SPRR2B: variants seen among roughly 807,000 people sequenced by gnomAD.
The protein encoded by SPRR2B is small proline rich protein 2B.
SPRR2B carries 1 observed loss-of-function variant against 1.0 expected under a neutral mutation model. That is an observed-to-expected ratio of 1.01 (90% CI 0.36 to 4.77). SPRR2B has a LOEUF of 4.77. SPRR2B is among the 30% of genes most tolerant of loss of function. SPRR2B has a pLI of 0.16. For missense variants in SPRR2B, 53 were observed against 88.7 expected, an observed-to-expected ratio of 0.60 and a Z score of 1.62; for synonymous variants, 27 against 33.4, an observed-to-expected ratio of 0.81 and a Z score of 0.66.
upstream of SPRR2B, among the ~76,000 whole-genome samples, chr1:153,072,209 G>A (rs189793249): frequency 7.8e-4 from 118 of 152,246 alleles, no homozygotes; most frequent in Middle Eastern, 3.4e-3. Flanking sequence ...CAGAACCCCA[G>A]ATTTTACCTA....
At chr1:153,078,511 CT>C in the SPRR2B span, among the ~76,000 whole-genome samples, 2 of 152,058 alleles carry the variant, frequency 1.3e-5, no homozygotes, top group African/African-American at 4.8e-5. Context: ...TATCCCTCCC[CT>C]CTACCCCCAC....
the SPRR2B span, among the ~76,000 whole-genome samples, chr1:153,083,707 C>A: frequency 6.6e-6 from 1 of 152,180 alleles, no homozygotes; most frequent in Non-Finnish European, 1.5e-5. Flanking sequence ...AGGGAGGAAC[C>A]CACTCCCGCC....
upstream of SPRR2B, among the ~76,000 whole-genome samples, chr1:153,075,664 C>T (rs1654756599): frequency 6.6e-6 from 1 of 151,962 alleles, no homozygotes; most frequent in African/African-American, 2.4e-5. Context: ...TAAAGAAACA[C>T]ATGGCTAATC....
chr1:153,074,212 T>A (rs1193646427), upstream of SPRR2B, among the ~76,000 whole-genome samples: 1 of 152,234 alleles, frequency 6.6e-6, no homozygotes, highest in Non-Finnish European at 1.5e-5. Context: ...TTGTTCTTTT[T>A]TTCATATAAC....
At chr1:153,077,472 A>T in the SPRR2B span, among the ~76,000 whole-genome samples, 2 of 152,182 alleles carry the variant, frequency 1.3e-5, no homozygotes, top group African/African-American at 4.8e-5. Context: ...TTGTAACTTC[A>T]ATTTTTATTT....
At chr1:153,071,702 C>A (rs7525198), upstream of SPRR2B, among the ~76,000 whole-genome samples, 24,996 of 152,054 alleles carry the variant, frequency 0.16, 3,506 homozygotes, top group East Asian at 0.49. Context: ...CCAGCAATGT[C>A]CCAACCAAAA....
chr1:153,079,377 C>T, the SPRR2B span, among the ~76,000 whole-genome samples: 1 of 152,076 alleles, frequency 6.6e-6, no homozygotes, highest in Non-Finnish European at 1.5e-5. Context: ...AATTAGATAC[C>T]ATTTGTCAAT....
At chr1:153,087,021 T>C in the SPRR2B span, among the ~76,000 whole-genome samples, 1 of 152,130 alleles carries the variant, frequency 6.6e-6, no homozygotes, top group Non-Finnish European at 1.5e-5. Flanking sequence ...CAAGAAGTTC[T>C]TAAGCTACAA....
At chr1:153,077,664 T>A in the SPRR2B span, among the ~76,000 whole-genome samples, 1 of 151,944 alleles carries the variant, frequency 6.6e-6, no homozygotes, top group African/African-American at 2.4e-5. Context: ...TCACCCAGGC[T>A]GGAATGCAGT....
chr1:153,079,998 C>G, the SPRR2B span, among the ~76,000 whole-genome samples: 63 of 152,236 alleles, frequency 4.1e-4, no homozygotes, highest in African/African-American at 1.3e-3. Context: ...TATCCATGAG[C>G]ATGGAATGTT....
chr1:153,081,286 A>G, the SPRR2B span, among the ~76,000 whole-genome samples: 2 of 152,234 alleles, frequency 1.3e-5, no homozygotes, highest in African/African-American at 4.8e-5. Flanking sequence ...AAAAGAGAGA[A>G]TCTTGAAAGC....
At chr1:153,074,433 T>C (rs930137028), upstream of SPRR2B, among the ~76,000 whole-genome samples, 2 of 152,244 alleles carry the variant, frequency 1.3e-5, no homozygotes, top group African/African-American at 2.4e-5. Context: ...CAATTCCCCA[T>C]GCATATCTGT....
At chr1:153,084,369 C>T in the SPRR2B span, among the ~76,000 whole-genome samples, 1 of 152,132 alleles carries the variant, frequency 6.6e-6, no homozygotes, top group Admixed American at 6.5e-5. Context: ...ACATAGCCAG[C>T]CAGCCCCAAC....
upstream of SPRR2B, among the ~76,000 whole-genome samples, chr1:153,072,967 GAGA>G (rs1654701170): frequency 1.3e-5 from 2 of 152,146 alleles, no homozygotes; most frequent in South Asian, 2.1e-4. Flanking sequence ...TTTATAATTG[GAGA>G]AGAAGAAGGA....
chr1:153,076,538 A>T (rs77503559), upstream of SPRR2B, among the ~76,000 whole-genome samples: 3,206 of 152,320 alleles, frequency 0.021, 111 homozygotes, highest in African/African-American at 0.07. Flanking sequence ...GAGAGAAAAG[A>T]CTATTTGAAC....
the SPRR2B span, among the ~76,000 whole-genome samples, chr1:153,085,943 G>C: frequency 6.6e-6 from 1 of 152,116 alleles, no homozygotes; most frequent in Non-Finnish European, 1.5e-5. Flanking sequence ...AGCTTCATAA[G>C]TTAAAGAGAA....
the SPRR2B span, among the ~76,000 whole-genome samples, chr1:153,087,159 A>C: frequency 6.6e-6 from 1 of 152,164 alleles, no homozygotes; most frequent in East Asian, 1.9e-4. Context: ...GGGCACCTGT[A>C]GTCACAGCTA....
upstream of SPRR2B, among the ~76,000 whole-genome samples, chr1:153,074,047 T>C (rs187509479): frequency 6.6e-6 from 1 of 152,292 alleles, no homozygotes; most frequent in East Asian, 1.9e-4. Context: ...AAATAACTGT[T>C]CCATTACCAC....
upstream of SPRR2B, among the ~76,000 whole-genome samples, chr1:153,072,686 T>C (rs1654693858): frequency 6.6e-6 from 1 of 152,200 alleles, no homozygotes; most frequent in Non-Finnish European, 1.5e-5. Context: ...TTTGTTTGTA[T>C]GTTCTTCCTT....
Sources: gnomAD v4.1 joint callset for allele counts (sites outside exome capture counted in the v4.1 genomes callset) on GRCh38, gnomAD v4.1.1 for gene constraint, MANE v1.5 for transcripts, NCBI Gene and HGNC (gene_info 2026-07-23, HGNC 2026-07-21) for gene names.